Variants in GNA12 observed in about 807,000 individuals in gnomAD.
GNA12 encodes G protein subunit alpha 12.
In GNA12, 9 loss-of-function variants were observed where a neutral mutation model predicts 26.0. That is an observed-to-expected ratio of 0.35 (90% CI 0.21 to 0.60). The LOEUF is 0.60. Ranked by LOEUF, GNA12 falls within the 20% of genes least tolerant of loss-of-function variation. The probability of loss-of-function intolerance (pLI) is 0.78; values close to 1 mark genes in which losing one functional copy is unlikely to be tolerated. For synonymous variants in GNA12, 264 were observed against 219.6 expected (o/e 1.20, Z -1.79); for missense variants, 405 against 525.8 (o/e 0.77, Z 2.25).
At chr7:2,750,216 A>C (rs1790964610) in intron 2 of GNA12, among the ~76,000 whole-genome samples, 1 of 152,348 alleles carries the variant, frequency 6.6e-6, no homozygotes, top group Middle Eastern at 3.4e-3. Context: ...CAAGGAGAAC[A>C]AACTGCAAGT....
intron 1 of GNA12, among the ~76,000 whole-genome samples, chr7:2,835,217 T>A (rs752208412): frequency 3.9e-5 from 6 of 152,184 alleles, no homozygotes; most frequent in Non-Finnish European, 8.8e-5. Flanking sequence ...AAATCTAAGC[T>A]GGCCTGATGT....
At chr7:2,791,140 G>C (rs574185097) in intron 2 of GNA12, among the ~76,000 whole-genome samples, 3 of 152,270 alleles carry the variant, frequency 2.0e-5, no homozygotes, top group African/African-American at 7.2e-5. Flanking sequence ...TTAAAAAAGA[G>C]GACAGACAAG....
chr7:2,754,272 G>A (rs151023052), intron 2 of GNA12, among the ~76,000 whole-genome samples: 7 of 152,110 alleles, frequency 4.6e-5, no homozygotes, highest in East Asian at 1.9e-4. Flanking sequence ...ATGTGCCATC[G>A]GCATGTCCTC....
intron 2 of GNA12, among the ~76,000 whole-genome samples, chr7:2,789,105 C>G (rs1027997384): frequency 2.7e-5 from 4 of 150,808 alleles, no homozygotes; most frequent in Admixed American, 2.6e-4. Flanking sequence ...CAGGCGTGAG[C>G]CACCGTGCCC....
intron 1 of GNA12, among the ~76,000 whole-genome samples, chr7:2,823,407 CAGG>C (rs1454750943): frequency 6.6e-6 from 1 of 152,142 alleles, no homozygotes; most frequent in African/African-American, 2.4e-5. Flanking sequence ...ACGGCATATG[CAGG>C]AGGAGTGCTT....
intron 2 of GNA12, chr7:2,764,874 C>T (rs1791740520): frequency 6.6e-6 from 1 of 152,224 alleles, no homozygotes; most frequent in Admixed American, 6.5e-5. Context: ...ATGAGGTCCT[C>T]AGAGGCTTAA....
chr7:2,814,290 A>G, intron 1 of GNA12: 1 of 1,242,908 alleles, frequency 8.0e-7, no homozygotes, highest in Non-Finnish European at 1.2e-6. Flanking sequence ...GTGGCCGAGG[A>G]GTTGAACGGA....
At chr7:2,788,298 G>A (rs1036382484) in intron 2 of GNA12, among the ~76,000 whole-genome samples, 20 of 152,172 alleles carry the variant, frequency 1.3e-4, no homozygotes, top group African/African-American at 2.9e-4. Flanking sequence ...AGTCCACGCC[G>A]CACAGCCTGC....
At chr7:2,801,729 T>C (rs1028970779) in intron 1 of GNA12, among the ~76,000 whole-genome samples, 24 of 152,202 alleles carry the variant, frequency 1.6e-4, no homozygotes, top group African/African-American at 5.8e-4. Flanking sequence ...TGTCTCTCTT[T>C]TGCCCTTTTA....
intron 2 of GNA12, among the ~76,000 whole-genome samples, chr7:2,759,576 G>A (rs990895161): frequency 7.2e-5 from 11 of 152,208 alleles, no homozygotes; most frequent in African/African-American, 2.4e-4. Flanking sequence ...CTGGGGTGGC[G>A]GTAGTGGCTC....
intron 2 of GNA12, among the ~76,000 whole-genome samples, chr7:2,782,459 A>AT (rs970647327): frequency 3.5e-4 from 53 of 152,114 alleles, no homozygotes; most frequent in African/African-American, 1.2e-3. Flanking sequence ...ACTCAATTAG[A>AT]TTGAGAGTTA....
chr7:2,733,562 T>C, intron 2 of GNA12, 61 bp from the exon 3 acceptor site: 2 of 1,323,872 alleles, frequency 1.5e-6, no homozygotes, highest in Non-Finnish European at 2.2e-6. Context: ...ATGTGGCAAA[T>C]ACAAGAACTG....
Position 2,729,024 on chromosome 7 carries a change from T to G in GNA12, c.*2157A>C, listed in dbSNP as rs1417472448. ...TTCTGGTTTGAAAGTGACGAGTAAA[T>G]ATGTCAGACTGTTTAAAGGAAAACA... is the stretch of plus-strand genomic sequence containing the variant. On this transcript the variant is annotated 3_prime_UTR_variant, in exon 4 of 4. Transcript: ENST00000275364. 6.6e-6 allele frequency: 1 copy of G among 152,356 alleles called. No individual in the cohort carries two copies. Among genetic ancestry groups the G allele is most frequent in the Non-Finnish European group, 1.5e-5 (1 of 68,052 alleles). The allele number at this position is 152,356 out of a possible 1,614,324, so 9.4% of individuals were successfully genotyped here.
At chr7:2,747,157 C>T (rs1790807712) in intron 2 of GNA12, among the ~76,000 whole-genome samples, 1 of 152,080 alleles carries the variant, frequency 6.6e-6, no homozygotes, top group Admixed American at 6.6e-5. Flanking sequence ...GGAATCCTCC[C>T]TAACTCATTT....
chr7:2,766,199 A>AT (rs1200769252), intron 2 of GNA12, among the ~76,000 whole-genome samples: 4 of 152,322 alleles, frequency 2.6e-5, no homozygotes, highest in Admixed American at 6.5e-5. Context: ...AGGTTATCAC[A>AT]TAAGCAGAAT....
intron 1 of GNA12, among the ~76,000 whole-genome samples, chr7:2,815,474 T>G (rs150775005): frequency 3.2e-4 from 49 of 152,258 alleles, no homozygotes; most frequent in African/African-American, 1.1e-3. Flanking sequence ...CAGGGCTATA[T>G]TGGCGGCCCA....
chr7:2,783,553 G>C (rs1445862812), intron 2 of GNA12, among the ~76,000 whole-genome samples: 2 of 152,082 alleles, frequency 1.3e-5, no homozygotes, highest in African/African-American at 4.8e-5. Flanking sequence ...AGATCTGTCA[G>C]AAACTGCAGC....
At chr7:2,842,156 A>C (rs945229017) in intron 1 of GNA12, among the ~76,000 whole-genome samples, 3 of 143,780 alleles carry the variant, frequency 2.1e-5, no homozygotes, top group Non-Finnish European at 4.5e-5. Context: ...GAAGGAAAGG[A>C]AGGAAGGAAA....
chr7:2,763,908 T>C (rs1183251465), intron 2 of GNA12, among the ~76,000 whole-genome samples: 1 of 152,176 alleles, frequency 6.6e-6, no homozygotes, highest in Non-Finnish European at 1.5e-5. Flanking sequence ...GAGCTGTTGC[T>C]TTAGAGTCTT....
Sources: allele counts gnomAD v4.1 joint callset (sites outside exome capture counted in the v4.1 genomes callset), GRCh38; gene constraint gnomAD v4.1.1; transcripts MANE v1.5; gene names NCBI Gene and HGNC (gene_info 2026-07-23, HGNC 2026-07-21).